DAZAP1: variants seen among roughly 807,000 people sequenced by gnomAD.
DAZAP1 encodes DAZ associated protein 1, also known as DAZ-associated protein 1.
DAZAP1 carries 6 observed loss-of-function variants against 60.1 expected under a neutral mutation model. That is an observed-to-expected ratio of 0.10 (90% CI 0.05 to 0.20). The LOEUF (loss-of-function observed/expected upper bound fraction) is 0.20, where lower values mean the gene tolerates loss of function less well. Ranked by LOEUF, DAZAP1 falls within the 10% of genes least tolerant of loss-of-function variation. The probability of loss-of-function intolerance (pLI) is 1.00; values close to 1 mark genes in which losing one functional copy is unlikely to be tolerated. For missense variants in DAZAP1, 366 were observed against 560.4 expected (o/e 0.65, Z 3.50); for synonymous variants, 235 against 215.9 (o/e 1.09, Z -0.78).
At chr19:1,430,448 A>C in intron 10 of DAZAP1, 86 bp downstream of exon 10, 1 of 1,288,152 alleles carries the variant, frequency 7.8e-7, no homozygotes, top group Non-Finnish European at 1.0e-6. Context: ...GTCTTGTGTT[A>C]CACGTCTGGC....
chr19:1,415,446 G>A lies in DAZAP1; in HGVS notation c.30-2054G>A, dbSNP rs377574292. Among the ~76,000 whole-genome samples, 448 of 136,242 alleles carry A rather than the reference G, an allele frequency of 3.3e-3. 1 individual carries two copies. The highest frequency in any genetic ancestry group is 5.0e-3 in the Non-Finnish European group (321 of 64,774). 89.4% of individuals were successfully genotyped at this position (136,242 alleles called of 152,430 possible). ...TTGAACTTTAATTCCAAAGGATTGT[G>A]TAAATGAGCATTTTTCCGGTCGGTT... is the stretch of plus-strand genomic sequence containing the variant. On this transcript the variant is annotated intron_variant, in intron 1 of 11. Coordinates refer to ENST00000233078, the MANE Select transcript of DAZAP1 (RefSeq NM_018959.4).
At chr19:1,413,841 A>T (rs1332263533) in intron 1 of DAZAP1, among the ~76,000 whole-genome samples, 1 of 152,174 alleles carries the variant, frequency 6.6e-6, no homozygotes, top group Non-Finnish European at 1.5e-5. Context: ...CTCAGTAATG[A>T]AAGTCTTTTA....
At chr19:1,414,834 AATTTT>A (rs1374104129) in intron 1 of DAZAP1, among the ~76,000 whole-genome samples, 1 of 148,184 alleles carries the variant, frequency 6.7e-6, no homozygotes. Flanking sequence ...TTTTTTTTTT[AATTTT>A]ATTTAAGAGA....
In DAZAP1 at chr19:1,418,787, A is replaced by G. The variant is rs2083062331; in HGVS notation, c.303+56A>G. 6.6e-6 allele frequency: 10 copies of G among 1,507,902 alleles called. No individual in the cohort carries two copies. Among genetic ancestry groups the G allele is most frequent in the African/African-American group, 1.4e-5 (1 of 70,984 alleles). The allele number at this position is 1,507,902 out of a possible 1,614,324, so 93.4% of individuals were successfully genotyped here. A position where few individuals can be genotyped will look rare whatever the true frequency, so the allele number is the denominator to read the frequency against. On this transcript the variant is annotated intron_variant, in intron 4 of 11. Transcript: ENST00000233078. This position sits in a 1 kb window ranked among gnomAD's most constrained non-coding sequence, Gnocchi z 5.7. ...GTGTTCTCCACTCCACGTGGAAAGGAAATGCGTGCCTTCAATCTGCTGTTG... is the reference window on the plus strand; with the variant it reads ...GTGTTCTCCACTCCACGTGGAAAGGGAATGCGTGCCTTCAATCTGCTGTTG...
chr19:1,409,217 T>C (rs2144680030), intron 1 of DAZAP1, among the ~76,000 whole-genome samples: 1 of 152,326 alleles, frequency 6.6e-6, no homozygotes, highest in Non-Finnish European at 1.5e-5. Context: ...GGGATGGGCC[T>C]GAGCAGGGAG....
chr19:1,408,820 A>T (rs1001667653), intron 1 of DAZAP1, among the ~76,000 whole-genome samples: 1 of 152,102 alleles, frequency 6.6e-6, no homozygotes, highest in Non-Finnish European at 1.5e-5. Flanking sequence ...CTTTGGTAGG[A>T]GCGGCTCCTG....
In DAZAP1 at chr19:1,416,141, C is replaced by G. The variant is rs571070559; in HGVS notation, c.30-1359C>G. 1 of 152,290 alleles carries G rather than the reference C, an allele frequency of 6.6e-6. No individual in the cohort carries two copies. The highest frequency in any genetic ancestry group is 2.4e-5 in the African/African-American group (1 of 41,554). The allele number at this position is 152,290 out of a possible 1,614,324, so 9.4% of individuals were successfully genotyped here. Reference sequence around the variant, plus strand: ...TGCCAGCCACCTTGCAGGGGTCTTTCCTGGCGAGCTGGCAGGAGCAGGGAG... The same window carrying G: ...TGCCAGCCACCTTGCAGGGGTCTTTGCTGGCGAGCTGGCAGGAGCAGGGAG... On this transcript the variant is annotated intron_variant, in intron 1 of 11. Coordinates refer to ENST00000233078, the MANE Select transcript of DAZAP1 (RefSeq NM_018959.4). The surrounding 1 kb of genome is among the most constrained non-coding windows in gnomAD (Gnocchi z 4.3).
Position 1,428,784 on chromosome 19 carries a change from A to G in DAZAP1, c.547-58A>G. The G allele has an allele frequency of 1.2e-6, 2 of 1,605,040 alleles. No individual in the cohort carries two copies. Among genetic ancestry groups the G allele is most frequent in the South Asian group, 2.2e-5 (2 of 90,308 alleles). On this transcript the variant is annotated intron_variant, in intron 7 of 11. Coordinates refer to ENST00000233078, the MANE Select transcript of DAZAP1 (RefSeq NM_018959.4). The surrounding 1 kb of genome is among the most constrained non-coding windows in gnomAD (Gnocchi z 4.0). Reference sequence around the variant, plus strand: ...ATAAGTTACCCGAGGGTGTGTCTAAAGGGAAGGGGGTGCTGGGACCCGCAG... The same window carrying G: ...ATAAGTTACCCGAGGGTGTGTCTAAGGGGAAGGGGGTGCTGGGACCCGCAG...
chr19:1,424,328 TTCCCCCTCCCCCTCCTCC>T (rs1180006396), intron 6 of DAZAP1, among the ~76,000 whole-genome samples: 4 of 97,230 alleles, frequency 4.1e-5, no homozygotes, highest in Admixed American at 9.7e-5. Context: ...CCTCCTCCTC[TTCCCCCTCCCCCTCCTCC>T]TCCCCCTCCC....
In DAZAP1 at chr19:1,418,756, C is replaced by T; in HGVS notation, c.303+25C>T. On this transcript the variant is annotated intron_variant, in intron 4 of 11. Transcript: ENST00000233078. The surrounding 1 kb of genome is among the most constrained non-coding windows in gnomAD (Gnocchi z 5.7). ...GGTAAGGGGCTGGGCCGGGCGGCCT[C>T]CTTGTGTGTTCTCCACTCCACGTGG... 6.3e-7 allele frequency: 1 copy of T among 1,585,020 alleles called. No individual in the cohort carries two copies. Among genetic ancestry groups the T allele is most frequent in the Non-Finnish European group, 8.6e-7 (1 of 1,165,822 alleles).
At position 1,418,343 on chromosome 19, in the gene DAZAP1, C is replaced by T. The variant is rs777459141; in HGVS notation, c.210C>T (p.Ser70=). The T allele has an allele frequency of 1.2e-6, 2 of 1,614,132 alleles. No individual in the cohort carries two copies. Among genetic ancestry groups the T allele is most frequent in the South Asian group, 2.2e-5 (2 of 91,086 alleles). The change falls in exon 3 of 12, where the codon AGC becomes AGT. Residue 70 remains serine (S), a synonymous_variant. Coordinates refer to ENST00000233078, the MANE Select transcript of DAZAP1 (RefSeq NM_018959.4). The surrounding 1 kb of genome is among the most constrained non-coding windows in gnomAD (Gnocchi z 5.7). ...DPNCVGTVLA[S]RPHTLDGRNI... ...ACTGTGTGGGGACGGTGCTGGCCAG[C>T]AGACCGCACACGCTAGATGGCCGAA...
intron 1 of DAZAP1, chr19:1,415,711 G>A (rs1452648554): frequency 1.3e-5 from 2 of 152,188 alleles, no homozygotes; most frequent in African/African-American, 2.4e-5. Flanking sequence ...CGTGGGAGAC[G>A]TAGGATTTTA....
Position 1,422,287 on chromosome 19 carries a change from T to G in DAZAP1, c.415-61T>G. On this transcript the variant is annotated intron_variant, in intron 5 of 11. Coordinates refer to ENST00000233078, the MANE Select transcript of DAZAP1 (RefSeq NM_018959.4). This position sits in a 1 kb window ranked among gnomAD's most constrained non-coding sequence, Gnocchi z 4.5. ...GGGTTCGTGGGAACAGGCTGTGCCC[T>G]CGGAAGACCACCTGTGGTGCTGGCC... 6.6e-7 allele frequency: 1 copy of G among 1,522,984 alleles called. No individual in the cohort carries two copies. Among genetic ancestry groups the G allele is most frequent in the Non-Finnish European group, 9.1e-7 (1 of 1,099,006 alleles). 94.3% of individuals were successfully genotyped at this position (1,522,984 alleles called of 1,614,324 possible). A position where few individuals can be genotyped will look rare whatever the true frequency, so the allele number is the denominator to read the frequency against.
chr19:1,413,707 C>T (rs560674931), intron 1 of DAZAP1, among the ~76,000 whole-genome samples: 38 of 152,286 alleles, frequency 2.5e-4, no homozygotes, highest in African/African-American at 7.9e-4. Context: ...GAGGCCGAGG[C>T]GGGCGGGTCA....
At chr19:1,408,824 G>A (rs1348810295) in intron 1 of DAZAP1, among the ~76,000 whole-genome samples, 4 of 152,206 alleles carry the variant, frequency 2.6e-5, no homozygotes, top group Non-Finnish European at 5.9e-5. Context: ...GGTAGGAGCG[G>A]CTCCTGCCGC....
At chr19:1,411,365 T>G (rs2082825662) in intron 1 of DAZAP1, among the ~76,000 whole-genome samples, 2 of 152,196 alleles carry the variant, frequency 1.3e-5, no homozygotes, top group South Asian at 4.1e-4. Context: ...ACCACAAATG[T>G]TCCCAGACAT....
rs1376265084 is a variant in DAZAP1, at chr19:1,415,398, T to TG, written c.30-2102_30-2101insG. On this transcript the variant is annotated intron_variant, in intron 1 of 11. Coordinates refer to ENST00000233078, the MANE Select transcript of DAZAP1 (RefSeq NM_018959.4). ...GTGTGTGTGTGTGTGTGTTTTGTTT[T>TG]TTTTTTTTTTTTTGAGAACTGCTTG... Among the ~76,000 whole-genome samples the TG allele has an allele frequency of 8.8e-5, 13 of 147,420 alleles. No homozygotes were observed. In the South Asian group the frequency reaches 1.3e-3, roughly 15 times the overall value.
Position 1,432,198 on chromosome 19 carries a change from C to T in DAZAP1, c.872-316C>T. The T allele has an allele frequency of 4.8e-6, 2 of 420,700 alleles. No homozygotes were observed. The highest frequency in any genetic ancestry group is 4.3e-6 in the Non-Finnish European group (1 of 232,308). 26.1% of individuals were successfully genotyped at this position (420,700 alleles called of 1,614,324 possible). A position where few individuals can be genotyped will look rare whatever the true frequency, so the allele number is the denominator to read the frequency against. On this transcript the variant is annotated intron_variant, in intron 10 of 11. Coordinates refer to ENST00000233078, the MANE Select transcript of DAZAP1 (RefSeq NM_018959.4). This position sits in a 1 kb window ranked among gnomAD's most constrained non-coding sequence, Gnocchi z 4.9. Reference sequence around the variant, plus strand: ...GCAGGTTTTTGTCCTTCTGAAAGAGCAATTTTGCTGTGAGGTTACTTGCTC... The same window carrying T: ...GCAGGTTTTTGTCCTTCTGAAAGAGTAATTTTGCTGTGAGGTTACTTGCTC...
intron 1 of DAZAP1, among the ~76,000 whole-genome samples, chr19:1,415,587 A>G (rs1228220727): frequency 6.6e-6 from 1 of 150,886 alleles, no homozygotes; most frequent in African/African-American, 2.4e-5. Flanking sequence ...CAGCGCGGGC[A>G]CAGCCTATGG....
Sources: gnomAD v4.1 joint callset for allele counts (sites outside exome capture counted in the v4.1 genomes callset) on GRCh38, gnomAD v4.1.1 for gene constraint, Gnocchi (gnomAD v3.1) non-coding constraint, MANE v1.5 for transcripts, NCBI Gene and HGNC (gene_info 2026-07-23, HGNC 2026-07-21) for gene names.